PHF14: variants seen among roughly 807,000 people sequenced by gnomAD.
PHF14 encodes PHD finger protein 14.
Under a neutral mutation model 117.9 loss-of-function variants are expected in PHF14, and 55 were observed. That is an observed-to-expected ratio of 0.47 (90% CI 0.38 to 0.58). The LOEUF is 0.58. Among genes scored for constraint, PHF14 ranks in the 20% least tolerant of loss-of-function variants. The pLI is 0.00. For synonymous variants in PHF14, 409 were observed against 368.6 expected, an observed-to-expected ratio of 1.11 and a Z score of -1.26; for missense variants, 978 against 1,122.2, an observed-to-expected ratio of 0.87 and a Z score of 1.84.
chr7:10,974,761 T>C, intron 1 of PHF14, 74 bp from the exon 2 acceptor site: 1 of 774,328 alleles, frequency 1.3e-6, no homozygotes, highest in African/African-American at 1.8e-5. Flanking sequence ...CATCTTTATG[T>C]TCTCTTAGCA....
At chr7:11,089,804 CTT>C (rs1786573294) in intron 16 of PHF14, among the ~76,000 whole-genome samples, 1 of 110,950 alleles carries the variant, frequency 9.0e-6, no homozygotes, top group African/African-American at 3.5e-5. Flanking sequence ...GAGTTTCACT[CTT>C]GTTGCCCAGG....
intron 16 of PHF14, chr7:11,062,993 TAAAAC>T: frequency 2.4e-6 from 2 of 825,076 alleles, no homozygotes; most frequent in Non-Finnish European, 1.5e-6. Flanking sequence ...AACATATTGA[TAAAAC>T]AAATATATTA....
At chr7:11,122,352 T>TATATATATATATATACACACAC in intron 17 of PHF14, among the ~76,000 whole-genome samples, 27 of 65,866 alleles carry the variant, frequency 4.1e-4, no homozygotes, top group East Asian at 5.9e-4. Context: ...TATATATATA[T>TATATATATATATATACACACAC]ACACACACAC....
At position 11,153,425 on chromosome 7, in the gene PHF14, A is replaced by T. The variant is rs185326278; in HGVS notation, c.2773-15991A>T. ...TAGGGGAAGTTTAGGGTTGGGAATCAAGAATTTGGCTTTGTACATGGTATG... is the reference window on the plus strand; with the variant it reads ...TAGGGGAAGTTTAGGGTTGGGAATCTAGAATTTGGCTTTGTACATGGTATG... On this transcript the variant is annotated intron_variant, in intron 17 of 17. Coordinates refer to ENST00000634607, the MANE Select transcript of PHF14 (RefSeq NM_001007157.2). Among the ~76,000 whole-genome samples, 20 of 152,234 alleles carry T rather than the reference A, an allele frequency of 1.3e-4. No individual in the cohort carries two copies. In the East Asian group the frequency reaches 3.9e-3, roughly 30 times the overall value.
At chr7:11,019,254 G>T (rs1386371493) in intron 5 of PHF14, among the ~76,000 whole-genome samples, 2 of 152,140 alleles carry the variant, frequency 1.3e-5, no homozygotes. Context: ...CTCATAGAAT[G>T]AGTTTGGAAA....
chr7:11,064,320 A>G (rs1178075207), intron 16 of PHF14, among the ~76,000 whole-genome samples: 1 of 151,910 alleles, frequency 6.6e-6, no homozygotes, highest in Non-Finnish European at 1.5e-5. Context: ...CCAAAAGTCT[A>G]CACTTTTTTA....
intron 17 of PHF14, among the ~76,000 whole-genome samples, chr7:11,118,730 T>C (rs186658374): frequency 6.6e-6 from 1 of 151,982 alleles, no homozygotes; most frequent in Admixed American, 6.6e-5. Flanking sequence ...TCATTCTTAA[T>C]AGTATTAATA....
At chr7:11,123,968 T>C (rs1338610103) in intron 17 of PHF14, among the ~76,000 whole-genome samples, 2 of 147,248 alleles carry the variant, frequency 1.4e-5, no homozygotes, top group African/African-American at 2.4e-5. Flanking sequence ...TTTTGTTTAA[T>C]ATAGTAAAAT....
intron 16 of PHF14, among the ~76,000 whole-genome samples, chr7:11,094,660 C>T (rs998713889): frequency 5.9e-5 from 9 of 152,136 alleles, no homozygotes; most frequent in African/African-American, 2.2e-4. Context: ...TGAAGGTAAC[C>T]GTCCCTGGGG....
At chr7:11,017,410 C>T (rs776238999) in intron 5 of PHF14, among the ~76,000 whole-genome samples, 2 of 151,968 alleles carry the variant, frequency 1.3e-5, no homozygotes, top group Non-Finnish European at 2.9e-5. Context: ...TTTGTTATTG[C>T]CTGTCTTTTG....
chr7:10,985,642 T>G (rs1262367484), intron 3 of PHF14, among the ~76,000 whole-genome samples: 27 of 100,096 alleles, frequency 2.7e-4, no homozygotes, highest in East Asian at 1.2e-3. Context: ...CAAACTGTTT[T>G]TTTTTTTTTT....
In PHF14 at chr7:10,974,859, A is replaced by G. The variant is rs1196729151; in HGVS notation, c.26A>G (p.Gln9Arg). The G allele has an allele frequency of 1.3e-6, 2 of 1,586,428 alleles. No homozygotes were observed. The highest frequency in any genetic ancestry group is 1.7e-6 in the Non-Finnish European group (2 of 1,163,914). The part of the protein sequence containing the change: MDRSSKRR[Q>R]VKPLAASLLE... ...GTGGATCGCAGCTCCAAGAGGAGGC[A>G]GGTGAAGCCTTTGGCAGCTTCTCTG... Residue 9 changes from glutamine to arginine, a missense_variant, in exon 2 of 18, where the codon CAG (glutamine) becomes CGG (arginine). Gln to Arg is a conservative substitution (Grantham distance 43, BLOSUM62 1). This residue lies in a region of PHF14 where 414 missense variants were observed against 376.4 expected (regional missense o/e 1.10). Transcript: ENST00000634607.
Position 11,111,357 on chromosome 7 carries a change from G to A in PHF14, c.2662G>A (p.Glu888Lys). The stretch of plus-strand genomic sequence containing the variant: ...AATCTGTTTACCCTGCAGGTGTGAT[G>A]AATGCAGACTCTGCTACCATTTTGG... ...GDNENLVRCD[E>K]CRLCYHFGCL... The change falls in exon 17 of 18, where the codon GAA becomes AAA. Residue 888 changes from glutamate (E) to lysine (K), a missense_variant. By Grantham distance (56) the Glu-to-Lys change is moderately conservative. Coordinates refer to ENST00000634607, the MANE Select transcript of PHF14 (RefSeq NM_001007157.2). 1 of 1,573,190 alleles carries A rather than the reference G, an allele frequency of 6.4e-7. No individual in the cohort carries two copies. The highest frequency in any genetic ancestry group is 8.7e-7 in the Non-Finnish European group (1 of 1,146,056).
At chr7:11,121,960 C>T (rs889897583) in intron 17 of PHF14, among the ~76,000 whole-genome samples, 4 of 151,786 alleles carry the variant, frequency 2.6e-5, no homozygotes, top group South Asian at 4.2e-4. Flanking sequence ...ACCCGTCAGA[C>T]GTTTTAAGCC....
In PHF14 at chr7:11,169,479, C is replaced by A; in HGVS notation, c.2836C>A (p.Pro946Thr). 6.8e-7 allele frequency: 1 copy of A among 1,473,184 alleles called. No homozygotes were observed. Among genetic ancestry groups the A allele is most frequent in the Non-Finnish European group, 9.2e-7 (1 of 1,091,534 alleles). The allele number at this position is 1,473,184 out of a possible 1,614,324, so 91.3% of individuals were successfully genotyped here. Residue 946 changes from proline to threonine, a missense_variant, in exon 18 of 18, where the codon CCA becomes ACA. This residue lies in a region of PHF14 where 180 missense variants were observed against 195.4 expected (regional missense o/e 0.92). Transcript: ENST00000634607. ...SQELNMEQKN[P>T]KK Reference sequence around the variant, plus strand: ...GGAGCTCAACATGGAACAGAAAAATCCAAAGAAATAAAAGATTTTCTGTAG... The same window carrying A: ...GGAGCTCAACATGGAACAGAAAAATACAAAGAAATAAAAGATTTTCTGTAG...
At chr7:11,154,782 T>G (rs2128355037) in intron 17 of PHF14, among the ~76,000 whole-genome samples, 1 of 152,294 alleles carries the variant, frequency 6.6e-6, no homozygotes, top group African/African-American at 2.4e-5. Context: ...AGCCTTTTCC[T>G]AATTACTACT....
rs1562493905 is a variant in PHF14 at position 11,169,552 on chromosome 7, AT to A, written c.*64del. On this transcript the variant is annotated 3_prime_UTR_variant, in exon 18 of 18. Transcript: ENST00000634607. ...TATGTAATAGCAGATAAAATTTCTA[AT>A]TGTAAAATGTTAAATTGTAAAATCT... 1 of 675,148 alleles carries A rather than the reference AT, an allele frequency of 1.5e-6. No individual in the cohort carries two copies. Among genetic ancestry groups the A allele is most frequent in the African/African-American group, 1.9e-5 (1 of 52,808 alleles). The allele number at this position is 675,148 out of a possible 1,614,324, so 41.8% of individuals were successfully genotyped here.
intron 16 of PHF14, among the ~76,000 whole-genome samples, chr7:11,078,143 C>T (rs897600993): frequency 1.3e-5 from 2 of 152,044 alleles, no homozygotes; most frequent in Non-Finnish European, 2.9e-5. Flanking sequence ...ATTTTTTCCC[C>T]TTATTTATCC....
At chr7:11,032,922 A>G (rs901359599) in intron 7 of PHF14, among the ~76,000 whole-genome samples, 13 of 152,324 alleles carry the variant, frequency 8.5e-5, no homozygotes, top group East Asian at 1.9e-4. Flanking sequence ...TGGATCTTAC[A>G]TACTGGACAT....
Sources: allele counts gnomAD v4.1 joint callset (sites outside exome capture counted in the v4.1 genomes callset), GRCh38; gene constraint gnomAD v4.1.1; regional missense constraint gnomAD v4.1.1; transcripts MANE v1.5; gene names NCBI Gene and HGNC (gene_info 2026-07-23, HGNC 2026-07-21).